The following PARD3B variants were observed in gnomAD, a reference collection of about 807,000 sequenced individuals.
The protein encoded by PARD3B is partitioning defective 3 homolog B.
PARD3B carries 103 observed loss-of-function variants against 130.2 expected under a neutral mutation model. That is an observed-to-expected ratio of 0.79 (90% CI 0.67 to 0.93). The LOEUF is 0.93. Among genes scored for constraint, PARD3B ranks in the 40% least tolerant of loss-of-function variants. The pLI, the probability that PARD3B is intolerant of heterozygous loss-of-function variation, is 0.00. For missense variants in PARD3B, 1,609 were observed against 1,499.2 expected, an observed-to-expected ratio of 1.07 and a Z score of -1.21; for synonymous variants, 583 against 553.2, an observed-to-expected ratio of 1.05 and a Z score of -0.76.
Position 204,568,713 on chromosome 2 carries a change from G to C in PARD3B, c.120+22594G>C, listed in dbSNP as rs116853883. Among the ~76,000 whole-genome samples the C allele has an allele frequency of 1.4e-3, 207 of 152,248 alleles. 4 individuals carry two copies. In the East Asian group the frequency reaches 0.037, roughly 27 times the overall value. On this transcript the variant is annotated intron_variant, in intron 1 of 22. Transcript: ENST00000406610. ...CTGACACCTGTAATCCCAGAACTAT[G>C]GGAGGCCCAGGTGGATGGATCACTT...
intron 1 of PARD3B, among the ~76,000 whole-genome samples, chr2:204,557,483 A>G (rs1010679420): frequency 2.6e-5 from 4 of 152,134 alleles, no homozygotes; most frequent in Non-Finnish European, 4.4e-5. Context: ...TCGTCTCTAC[A>G]TCCCAAGAAC....
chr2:205,555,937 A>G (rs1038297148), intron 22 of PARD3B, among the ~76,000 whole-genome samples: 1 of 152,180 alleles, frequency 6.6e-6, no homozygotes, highest in Non-Finnish European at 1.5e-5. Context: ...GAGATGCAGA[A>G]AGCAGAGGCC....
chr2:205,249,418 G>A (rs1048892023), intron 16 of PARD3B, among the ~76,000 whole-genome samples: 3 of 151,940 alleles, frequency 2.0e-5, no homozygotes, highest in Admixed American at 1.3e-4. Context: ...GAGCTATTTC[G>A]TGCCAAGTTC....
intron 4 of PARD3B, among the ~76,000 whole-genome samples, chr2:205,061,509 G>T (rs1700060661): frequency 6.6e-6 from 1 of 152,064 alleles, no homozygotes; most frequent in African/African-American, 2.4e-5. Context: ...GTGATTATTT[G>T]TAAAAATTCT....
At chr2:205,443,902 CG>C (rs2106171136) in intron 20 of PARD3B, among the ~76,000 whole-genome samples, 1 of 152,220 alleles carries the variant, frequency 6.6e-6, no homozygotes, top group East Asian at 1.9e-4. Context: ...TTTGGGAGTC[CG>C]GGGTAAGGGG....
chr2:205,253,968 C>T lies in PARD3B; in HGVS notation c.2185+8146C>T, dbSNP rs191249249. Among the ~76,000 whole-genome samples, 1 of 151,278 alleles carries T rather than the reference C, an allele frequency of 6.6e-6. No individual in the cohort carries two copies. Among genetic ancestry groups the T allele is most frequent in the African/African-American group, 2.4e-5 (1 of 41,206 alleles). On this transcript the variant is annotated intron_variant, in intron 16 of 22. Transcript: ENST00000406610. This position sits in a 1 kb window ranked among gnomAD's most constrained non-coding sequence, Gnocchi z 4.4. ...TTGAAAATGAACAGTATTTTGTCAA[C>T]CATGGAAGGATAGTTGGACTCAAGA...
At chr2:205,223,429 C>T (rs1019082161) in intron 15 of PARD3B, among the ~76,000 whole-genome samples, 2 of 152,098 alleles carry the variant, frequency 1.3e-5, no homozygotes, top group Non-Finnish European at 2.9e-5. Context: ...AAAATTCAGC[C>T]ATGGAATAAC....
intron 2 of PARD3B, among the ~76,000 whole-genome samples, chr2:204,908,408 T>G (rs942081882): frequency 2.6e-5 from 4 of 152,344 alleles, no homozygotes; most frequent in East Asian, 1.9e-4. Context: ...CATTTATTTC[T>G]TGACCATTGT....
chr2:205,609,596 T>C (rs1022869513), intron 22 of PARD3B, among the ~76,000 whole-genome samples: 13 of 152,210 alleles, frequency 8.5e-5, no homozygotes, highest in African/African-American at 1.2e-4. Flanking sequence ...ATCACACACA[T>C]AGTATTTTAT....
chr2:205,432,939 C>A (rs2047387159), intron 19 of PARD3B, among the ~76,000 whole-genome samples: 1 of 152,118 alleles, frequency 6.6e-6, no homozygotes, highest in Admixed American at 6.6e-5. Flanking sequence ...TTCATAAATA[C>A]CTCCTCTAAA....
intron 13 of PARD3B, among the ~76,000 whole-genome samples, chr2:205,181,897 T>C (rs1203167125): frequency 1.3e-5 from 2 of 152,188 alleles, no homozygotes; most frequent in Non-Finnish European, 2.9e-5. Flanking sequence ...TTATAGGAGA[T>C]AAGAGTTCCA....
intron 2 of PARD3B, among the ~76,000 whole-genome samples, chr2:204,860,080 T>A (rs1175809643): frequency 6.6e-6 from 1 of 152,344 alleles, no homozygotes; most frequent in East Asian, 1.9e-4. Flanking sequence ...TTTCCCCTTT[T>A]TGCTTTTTTA....
At chr2:205,529,524 T>C (rs1192119522) in intron 21 of PARD3B, among the ~76,000 whole-genome samples, 3 of 152,156 alleles carry the variant, frequency 2.0e-5, no homozygotes, top group Non-Finnish European at 4.4e-5. Context: ...CTTACTTTTT[T>C]TCCTTTTTAA....
chr2:204,955,071 G>A (rs1462989694), intron 2 of PARD3B, among the ~76,000 whole-genome samples: 2 of 152,134 alleles, frequency 1.3e-5, no homozygotes. Context: ...TTATATTCAT[G>A]ACTTAAAATC....
chr2:204,622,973 A>G (rs747715529), intron 1 of PARD3B, among the ~76,000 whole-genome samples: 1 of 152,206 alleles, frequency 6.6e-6, no homozygotes, highest in Non-Finnish European at 1.5e-5. Context: ...ATACGTTCCC[A>G]TTATGATATA....
At chr2:204,676,914 C>T (rs904611085) in intron 1 of PARD3B, among the ~76,000 whole-genome samples, 3 of 152,108 alleles carry the variant, frequency 2.0e-5, no homozygotes, top group Non-Finnish European at 4.4e-5. Context: ...GTGATCCACC[C>T]ACCTCGGCCT....
At chr2:204,644,457 T>C (rs1014483653) in intron 1 of PARD3B, among the ~76,000 whole-genome samples, 1 of 152,190 alleles carries the variant, frequency 6.6e-6, no homozygotes, top group East Asian at 1.9e-4. Flanking sequence ...TATGTACCAA[T>C]ATAGACTCTT....
At chr2:204,618,880 T>A (rs2034202095) in intron 1 of PARD3B, among the ~76,000 whole-genome samples, 1 of 152,204 alleles carries the variant, frequency 6.6e-6, no homozygotes, top group Non-Finnish European at 1.5e-5. Context: ...TTTTTCCTTC[T>A]TTATTTTCCT....
intron 3 of PARD3B, among the ~76,000 whole-genome samples, chr2:205,009,487 C>T (rs886567576): frequency 6.6e-6 from 1 of 151,496 alleles, no homozygotes; most frequent in Non-Finnish European, 1.5e-5. Context: ...CTGGCTAACA[C>T]AGTGAAACCC....
Sources: gnomAD v4.1 joint callset for allele counts (sites outside exome capture counted in the v4.1 genomes callset) on GRCh38, gnomAD v4.1.1 for gene constraint, Gnocchi (gnomAD v3.1) non-coding constraint, MANE v1.5 for transcripts, NCBI Gene and HGNC (gene_info 2026-07-23, HGNC 2026-07-21) for gene names.